Variants in KALRN observed in about 807,000 individuals in gnomAD.
KALRN encodes the protein kalirin.
Under a neutral mutation model 353.7 loss-of-function variants are expected in KALRN, and 70 were observed. The observed-to-expected ratio is 0.20, with a 90% CI of 0.16 to 0.24. KALRN has a LOEUF of 0.24. Among genes scored for constraint, KALRN ranks in the 10% least tolerant of loss-of-function variants. KALRN has a pLI of 1.00. For missense variants in KALRN, 2,791 were observed against 3,756.7 expected, an observed-to-expected ratio of 0.74 and a Z score of 6.72; for synonymous variants, 1,391 against 1,434.8, an observed-to-expected ratio of 0.97 and a Z score of 0.69.
intron 1 of KALRN, among the ~76,000 whole-genome samples, chr3:124,210,432 C>G (rs959225993): frequency 1.3e-5 from 2 of 152,104 alleles, no homozygotes; most frequent in African/African-American, 2.4e-5. Context: ...GGTATTTCCC[C>G]AGCATGGTTC....
At chr3:124,134,611 T>G (rs1227111206) in intron 1 of KALRN, among the ~76,000 whole-genome samples, 1 of 152,106 alleles carries the variant, frequency 6.6e-6, no homozygotes, top group Non-Finnish European at 1.5e-5. Context: ...GGAGAAAATC[T>G]TCACAATTTA....
At chr3:124,085,665 C>A (rs78417684) in intron 1 of KALRN, among the ~76,000 whole-genome samples, 3,200 of 152,208 alleles carry the variant, frequency 0.021, 109 homozygotes, top group African/African-American at 0.071. Flanking sequence ...GGGAGCACCT[C>A]CTTTTTCAGA....
At chr3:124,649,391 A>C (rs1031065293) in intron 37 of KALRN, among the ~76,000 whole-genome samples, 1 of 152,144 alleles carries the variant, frequency 6.6e-6, no homozygotes, top group Non-Finnish European at 1.5e-5. Context: ...AATCTTTGTG[A>C]CTTTAACCTT....
chr3:124,719,466 C>G lies in KALRN; in HGVS notation c.8957C>G (p.Thr2986Arg), dbSNP rs776926854. 11 of 1,610,756 alleles carry G rather than the reference C, an allele frequency of 6.8e-6. No individual in the cohort carries two copies. Among genetic ancestry groups the G allele is most frequent in the South Asian group, 5.5e-5 (5 of 90,846 alleles). Reference protein sequence around the residue: ...SYIVNRVNQGT With the variant: ...SYIVNRVNQGR Reference sequence around the variant, plus strand: ...ATTGTCAACCGGGTGAACCAAGGGACGTAGCCATCTCCCAGCCCCTATGGT... The same window carrying G: ...ATTGTCAACCGGGTGAACCAAGGGAGGTAGCCATCTCCCAGCCCCTATGGT... The change falls in exon 60 of 60, where the codon ACG becomes AGG. Residue 2986 changes from threonine (T) to arginine (R), a missense_variant. Transcript: ENST00000682506. This position sits in a 1 kb window ranked among gnomAD's most constrained non-coding sequence, Gnocchi z 5.3.
chr3:124,336,590 C>A (rs1255251222), intron 9 of KALRN, among the ~76,000 whole-genome samples: 1 of 152,050 alleles, frequency 6.6e-6, no homozygotes, highest in East Asian at 1.9e-4. Context: ...GGGAGGGTGG[C>A]ATTCCAGACT....
intron 13 of KALRN, among the ~76,000 whole-genome samples, chr3:124,399,106 G>GT (rs890887064): frequency 2.0e-5 from 3 of 151,640 alleles, no homozygotes; most frequent in South Asian, 2.1e-4. Flanking sequence ...TTCTTGAGAA[G>GT]TTTTTTTTGT....
intron 23 of KALRN, among the ~76,000 whole-genome samples, chr3:124,458,275 C>CAAAAA (rs35854921): frequency 1.2e-5 from 1 of 83,106 alleles, no homozygotes; most frequent in African/African-American, 5.0e-5. Flanking sequence ...GACTCTGTCT[C>CAAAAA]AAAAAAAAAA....
At chr3:124,341,431 A>G (rs754502549) in intron 9 of KALRN, among the ~76,000 whole-genome samples, 10 of 152,226 alleles carry the variant, frequency 6.6e-5, no homozygotes, top group Non-Finnish European at 1.5e-4. Flanking sequence ...TTCCAAGTGC[A>G]AGATGCAGGC....
At chr3:124,248,954 C>T (rs1278689933) in intron 3 of KALRN, among the ~76,000 whole-genome samples, 4 of 152,232 alleles carry the variant, frequency 2.6e-5, no homozygotes, top group African/African-American at 4.8e-5. Context: ...GATCTCCAGA[C>T]CATAAGCTGT....
At chr3:124,154,174 T>C (rs2068622868) in intron 1 of KALRN, among the ~76,000 whole-genome samples, 1 of 152,180 alleles carries the variant, frequency 6.6e-6, no homozygotes, top group African/African-American at 2.4e-5. Flanking sequence ...TTTTGGTGTT[T>C]TAGACATTCC....
At chr3:124,246,708 G>A (rs1223984267) in intron 3 of KALRN, among the ~76,000 whole-genome samples, 1 of 152,202 alleles carries the variant, frequency 6.6e-6, no homozygotes, top group Non-Finnish European at 1.5e-5. Flanking sequence ...GGCTCACCAA[G>A]AGCAGGCTGA....
intron 1 of KALRN, among the ~76,000 whole-genome samples, chr3:124,062,966 T>C (rs2042088672): frequency 6.6e-6 from 1 of 152,188 alleles, no homozygotes; most frequent in Admixed American, 6.5e-5. Flanking sequence ...TAAGAACACA[T>C]GTCTGAATAA....
chr3:124,514,680 C>T (rs887081716), intron 33 of KALRN, among the ~76,000 whole-genome samples: 2 of 152,118 alleles, frequency 1.3e-5, no homozygotes, highest in Non-Finnish European at 1.5e-5. Context: ...AGATTTGAAC[C>T]CAGGTGTTTC....
intron 1 of KALRN, among the ~76,000 whole-genome samples, chr3:124,132,566 G>C (rs1444717126): frequency 6.6e-6 from 1 of 152,204 alleles, no homozygotes; most frequent in Non-Finnish European, 1.5e-5. Context: ...TGGTCAGCCT[G>C]GGCAGAGATC....
At chr3:124,638,307 C>T (rs866266082) in intron 37 of KALRN, among the ~76,000 whole-genome samples, 40 of 149,294 alleles carry the variant, frequency 2.7e-4, no homozygotes, top group Admixed American at 4.7e-4. Flanking sequence ...TGAGTTTATT[C>T]TTTTCCTGCT....
chr3:124,310,791 G>T (rs1474324682), intron 6 of KALRN, among the ~76,000 whole-genome samples: 1 of 152,040 alleles, frequency 6.6e-6, no homozygotes, highest in Non-Finnish European at 1.5e-5. Flanking sequence ...AAAAAATTTT[G>T]TGCATCAAAA....
Position 124,455,303 on chromosome 3 carries a change from C to T in KALRN, c.3679C>T (p.Leu1227=), listed in dbSNP as rs764391494. 3 of 1,613,998 alleles carry T rather than the reference C, an allele frequency of 1.9e-6. No homozygotes were observed. The highest frequency in any genetic ancestry group is 2.5e-6 in the Non-Finnish European group (3 of 1,180,002). ...TVDKHYRDFS[L]RMGKYRYSLE... ...GGACAAGCACTACAGAGATTTCTCC[C>T]TGAGGATGGGAAAGTACCGATACTC... The change falls in exon 22 of 60, where the codon CTG becomes TTG. Residue 1227 remains leucine, a synonymous_variant. Coordinates refer to ENST00000682506, the MANE Select transcript of KALRN (RefSeq NM_001388419.1).
chr3:124,265,767 A>G (rs1337980063), intron 4 of KALRN, among the ~76,000 whole-genome samples: 2 of 152,190 alleles, frequency 1.3e-5, no homozygotes, highest in African/African-American at 4.8e-5. Context: ...GCATATACAT[A>G]CACATATATA....
At chr3:124,191,539 G>T (rs2074918966) in intron 1 of KALRN, among the ~76,000 whole-genome samples, 1 of 152,190 alleles carries the variant, frequency 6.6e-6, no homozygotes, top group Non-Finnish European at 1.5e-5. Context: ...AATATCACAA[G>T]CTGCCTTCTT....
Sources: gnomAD v4.1 joint callset for allele counts (sites outside exome capture counted in the v4.1 genomes callset) on GRCh38, gnomAD v4.1.1 for gene constraint, Gnocchi (gnomAD v3.1) non-coding constraint, MANE v1.5 for transcripts, NCBI Gene and HGNC (gene_info 2026-07-23, HGNC 2026-07-21) for gene names.